The following PRTFDC1 variants were observed in gnomAD, a reference collection of about 807,000 sequenced individuals.
The protein encoded by PRTFDC1 is phosphoribosyl transferase domain containing 1.
A neutral mutation model predicts 34.6 loss-of-function variants in PRTFDC1; 38 were observed. That is an observed-to-expected ratio of 1.10 (90% CI 0.85 to 1.44). The LOEUF (loss-of-function observed/expected upper bound fraction) is 1.44, where lower values mean the gene tolerates loss of function less well. Among genes scored for constraint, PRTFDC1 ranks in the 40% most tolerant of loss-of-function variants. The pLI, the probability that PRTFDC1 is intolerant of heterozygous loss-of-function variation, is 0.00. For synonymous variants in PRTFDC1, 93 were observed against 98.1 expected, an observed-to-expected ratio of 0.95 and a Z score of 0.31; for missense variants, 270 against 283.0, an observed-to-expected ratio of 0.95 and a Z score of 0.33.
Position 24,918,940 on chromosome 10 carries a change from G to A in PRTFDC1, c.339+18244C>T, listed in dbSNP as rs1476985937. Among the ~76,000 whole-genome samples the A allele has an allele frequency of 2.0e-5, 3 of 152,242 alleles. No homozygotes were observed. In the East Asian group the frequency reaches 5.8e-4, roughly 29 times the overall value. On this transcript the variant is annotated intron_variant, in intron 3 of 8. Coordinates refer to ENST00000320152, the MANE Select transcript of PRTFDC1 (RefSeq NM_020200.7). ...CCTCCATGCTCTTGAATCAGCCTGT[G>A]TAGTTTTACATCTTAGCCCCATTCT...
At chr10:24,889,289 C>T (rs1360253079) in intron 3 of PRTFDC1, among the ~76,000 whole-genome samples, 1 of 151,954 alleles carries the variant, frequency 6.6e-6, no homozygotes, top group East Asian at 1.9e-4. Context: ...GCAAGTGGGC[C>T]CTCACCACAC....
chr10:24,925,570 T>A (rs1278084504), intron 3 of PRTFDC1, among the ~76,000 whole-genome samples: 1 of 152,240 alleles, frequency 6.6e-6, no homozygotes, highest in African/African-American at 2.4e-5. Context: ...ATATTTTTTG[T>A]ATATATACAT....
intron 3 of PRTFDC1, among the ~76,000 whole-genome samples, chr10:24,885,356 T>C (rs2132531439): frequency 6.6e-6 from 1 of 152,334 alleles, no homozygotes; most frequent in African/African-American, 2.4e-5. Context: ...TTAATATTTA[T>C]CCAAATGAGT....
intron 3 of PRTFDC1, among the ~76,000 whole-genome samples, chr10:24,882,183 G>C (rs1848089018): frequency 7.5e-6 from 1 of 132,604 alleles, no homozygotes; most frequent in South Asian, 2.3e-4. Flanking sequence ...CTCCAGCCTG[G>C]GTGACAGAGC....
chr10:24,873,477 T>C (rs553455464), intron 3 of PRTFDC1, among the ~76,000 whole-genome samples: 6 of 152,242 alleles, frequency 3.9e-5, no homozygotes, highest in Non-Finnish European at 8.8e-5. Context: ...ACGCACCATA[T>C]GTGCTACATG....
intron 3 of PRTFDC1, among the ~76,000 whole-genome samples, chr10:24,879,159 T>C (rs544064976): frequency 3.9e-5 from 6 of 152,290 alleles, no homozygotes; most frequent in Admixed American, 2.0e-4. Flanking sequence ...GACAGGTGAA[T>C]TGATTCCAGT....
intron 3 of PRTFDC1, among the ~76,000 whole-genome samples, chr10:24,872,788 G>GTATATATATATATA (rs1555045487): frequency 6.7e-4 from 56 of 83,190 alleles, no homozygotes; most frequent in African/African-American, 2.7e-3. Flanking sequence ...GTGTGTGTGT[G>GTATATATATATATA]TATATATATA....
At chr10:24,927,798 A>G (rs1848903034) in intron 3 of PRTFDC1, among the ~76,000 whole-genome samples, 1 of 151,642 alleles carries the variant, frequency 6.6e-6, no homozygotes, top group Non-Finnish European at 1.5e-5. Flanking sequence ...GCCAGAATGG[A>G]CTCTATCTCT....
intron 2 of PRTFDC1, among the ~76,000 whole-genome samples, chr10:24,941,036 TTGTGTGTG>T (rs58812300): frequency 6.7e-6 from 1 of 150,072 alleles, no homozygotes; most frequent in African/African-American, 2.5e-5. Context: ...TAAATTAATC[TTGTGTGTG>T]TGTGTGTGTG....
At chr10:24,942,078 C>T (rs1014254626) in intron 2 of PRTFDC1, among the ~76,000 whole-genome samples, 16 of 152,152 alleles carry the variant, frequency 1.1e-4, no homozygotes, top group African/African-American at 3.4e-4. Context: ...TATTTTGAGG[C>T]TGTTACTTAT....
rs979974537 is a variant in PRTFDC1, at chr10:24,952,439, C to G, written c.48+89G>C. 2.8e-6 allele frequency: 4 copies of G among 1,442,970 alleles called. No individual in the cohort carries two copies. The highest frequency in any genetic ancestry group is 1.4e-5 in the African/African-American group (1 of 70,828). 89.4% of individuals were successfully genotyped at this position (1,442,970 alleles called of 1,614,324 possible). On this transcript the variant is annotated intron_variant, in intron 1 of 8. Coordinates refer to ENST00000320152, the MANE Select transcript of PRTFDC1 (RefSeq NM_020200.7). This position sits in a 1 kb window ranked among gnomAD's most constrained non-coding sequence, Gnocchi z 5.1. ...ACAAAGCGGTGGCCCTCTCTCTCCC[C>G]CGACGCACGGCAAGCATTTAATCTA...
Position 24,938,479 on chromosome 10 carries a change from C to T in PRTFDC1, c.156-1112G>A, listed in dbSNP as rs191491880. ...TCTTATTACCCCCCAGCCCCTATCC[C>T]CAGCTCTGTTGTTCAAACAGGCAGT... is the stretch of plus-strand genomic sequence containing the variant. On this transcript the variant is annotated intron_variant, in intron 2 of 8. Transcript: ENST00000320152. Among the ~76,000 whole-genome samples the T allele has an allele frequency of 1.2e-4, 18 of 152,322 alleles. No individual in the cohort carries two copies. The East Asian group carries it at 3.3e-3, about 28-fold the overall frequency.
intron 3 of PRTFDC1, among the ~76,000 whole-genome samples, chr10:24,914,562 TC>T (rs1588611673): frequency 6.6e-6 from 1 of 152,164 alleles, no homozygotes; most frequent in East Asian, 1.9e-4. Context: ...GCCCTCAGCA[TC>T]CCATGGGTGT....
chr10:24,877,276 C>T (rs1847983937), intron 3 of PRTFDC1, among the ~76,000 whole-genome samples: 1 of 152,102 alleles, frequency 6.6e-6, no homozygotes. Context: ...CTACAGTGAT[C>T]CTCCTGCCTC....
chr10:24,946,467 A>G (rs1324064088), intron 1 of PRTFDC1, among the ~76,000 whole-genome samples: 1 of 152,194 alleles, frequency 6.6e-6, no homozygotes, highest in African/African-American at 2.4e-5. Flanking sequence ...AAAATCACAA[A>G]TGAAACAAAC....
chr10:24,873,883 A>G (rs1243502831), intron 3 of PRTFDC1, among the ~76,000 whole-genome samples: 1 of 151,862 alleles, frequency 6.6e-6, no homozygotes, highest in African/African-American at 2.4e-5. Context: ...AAACGAAAAA[A>G]AAAAAAGACC....
intron 4 of PRTFDC1, among the ~76,000 whole-genome samples, chr10:24,864,560 A>G (rs576689898): frequency 4.2e-4 from 64 of 152,346 alleles, no homozygotes; most frequent in Admixed American, 3.3e-4. Context: ...TCAGATGATC[A>G]TTAGCATTGT....
At chr10:24,941,975 C>T (rs1166974085) in intron 2 of PRTFDC1, among the ~76,000 whole-genome samples, 1 of 152,134 alleles carries the variant, frequency 6.6e-6, no homozygotes, top group Non-Finnish European at 1.5e-5. Flanking sequence ...ATATGGAAGA[C>T]ACAAAATTTC....
intron 1 of PRTFDC1, among the ~76,000 whole-genome samples, chr10:24,949,714 T>G (rs925194762): frequency 2.6e-5 from 3 of 113,828 alleles, no homozygotes; most frequent in Non-Finnish European, 3.7e-5. Context: ...TCATTTTTTT[T>G]GTTTATTTAT....
Sources: allele counts gnomAD v4.1 joint callset (sites outside exome capture counted in the v4.1 genomes callset), GRCh38; gene constraint gnomAD v4.1.1; non-coding constraint Gnocchi (gnomAD v3.1); transcripts MANE v1.5; gene names NCBI Gene and HGNC (gene_info 2026-07-23, HGNC 2026-07-21).